The following OCA2 variants were observed in gnomAD, a reference collection of about 807,000 sequenced individuals.
OCA2 encodes OCA2 melanosomal transmembrane protein.
Under a neutral mutation model 100.2 loss-of-function variants are expected in OCA2, and 77 were observed. The ratio of observed to expected loss-of-function variants is 0.77; its 90% CI spans 0.64 to 0.93. The LOEUF is 0.93. Among genes scored for constraint, OCA2 ranks in the 40% least tolerant of loss-of-function variants. The pLI is 0.00. For synonymous variants in OCA2, 432 were observed against 439.2 expected, an observed-to-expected ratio of 0.98 and a Z score of 0.21; for missense variants, 1,062 against 1,089.1, an observed-to-expected ratio of 0.98 and a Z score of 0.35.
At chr15:27,785,186 A>G (rs936476782) in intron 23 of OCA2, among the ~76,000 whole-genome samples, 8 of 152,170 alleles carry the variant, frequency 5.3e-5, no homozygotes, top group Non-Finnish European at 7.3e-5. Flanking sequence ...GAGTATTAGG[A>G]AAAAAATATG....
At chr15:28,071,542 A>G (rs927024148) in intron 2 of OCA2, among the ~76,000 whole-genome samples, 1 of 152,218 alleles carries the variant, frequency 6.6e-6, no homozygotes, top group Non-Finnish European at 1.5e-5. Context: ...ACAGAAACCA[A>G]ACAGCTTGGT....
chr15:28,048,796 A>C (rs989754981), intron 2 of OCA2, among the ~76,000 whole-genome samples: 1 of 147,584 alleles, frequency 6.8e-6, no homozygotes, highest in Admixed American at 6.6e-5. Context: ...ACTTGAGTTC[A>C]GGAGTTTGAG....
intron 2 of OCA2, among the ~76,000 whole-genome samples, chr15:28,062,036 A>C (rs980033525): frequency 6.6e-6 from 1 of 152,206 alleles, no homozygotes; most frequent in South Asian, 2.1e-4. Flanking sequence ...ACACATATGC[A>C]CAAGTTTTAC....
At chr15:27,923,442 C>A (rs2038937381) in intron 19 of OCA2, among the ~76,000 whole-genome samples, 1 of 152,194 alleles carries the variant, frequency 6.6e-6, no homozygotes. Context: ...CACCACACTG[C>A]TTTCTACAAT....
intron 6 of OCA2, among the ~76,000 whole-genome samples, chr15:28,019,293 A>T (rs2042511546): frequency 6.6e-6 from 1 of 151,974 alleles, no homozygotes; most frequent in South Asian, 2.1e-4. Flanking sequence ...AAAGAAGAGG[A>T]CGCAGCAAAG....
intron 19 of OCA2, among the ~76,000 whole-genome samples, chr15:27,878,823 GT>G (rs1168232001): frequency 1.3e-5 from 2 of 151,854 alleles, no homozygotes; most frequent in Non-Finnish European, 2.9e-5. Context: ...AACTATAATT[GT>G]TTTTAATATT....
intron 19 of OCA2, among the ~76,000 whole-genome samples, chr15:27,892,196 C>A (rs1431068485): frequency 1.3e-5 from 2 of 151,950 alleles, no homozygotes; most frequent in Non-Finnish European, 2.9e-5. Context: ...AAGAACTGAA[C>A]AACACTGAAC....
chr15:27,729,026 G>T, the OCA2 span, among the ~76,000 whole-genome samples: 3 of 152,068 alleles, frequency 2.0e-5, no homozygotes, highest in Non-Finnish European at 4.4e-5. Context: ...CACTTTCAAC[G>T]CTTGGCTTGG....
At chr15:27,980,718 G>A (rs1408329274) in intron 14 of OCA2, among the ~76,000 whole-genome samples, 1 of 152,146 alleles carries the variant, frequency 6.6e-6, no homozygotes, top group East Asian at 1.9e-4. Context: ...GCCTTCACAC[G>A]TGCATTATCT....
At chr15:27,983,628 G>T in intron 13 of OCA2, 145 bp from the exon 14 acceptor site, 2 of 867,356 alleles carry the variant, frequency 2.3e-6, no homozygotes, top group Non-Finnish European at 3.8e-6. Flanking sequence ...AGTGCTGGGG[G>T]GAATGAACAA....
intron 5 of OCA2, among the ~76,000 whole-genome samples, chr15:28,023,887 C>T (rs530513265): frequency 2.0e-5 from 3 of 152,284 alleles, no homozygotes; most frequent in African/African-American, 7.2e-5. Flanking sequence ...AGACATAGAG[C>T]AGGCACAGGG....
chr15:27,815,494 T>C (rs1328231273), intron 23 of OCA2, among the ~76,000 whole-genome samples: 1 of 152,244 alleles, frequency 6.6e-6, no homozygotes, highest in African/African-American at 2.4e-5. Context: ...TCTGTATTCA[T>C]ACCTCCTGGG....
chr15:27,908,019 T>G (rs1404757541), intron 19 of OCA2, among the ~76,000 whole-genome samples: 1 of 151,740 alleles, frequency 6.6e-6, no homozygotes, highest in Non-Finnish European at 1.5e-5. Flanking sequence ...ATGAAGCAAG[T>G]GTGACAATGA....
At chr15:27,784,912 AG>A in intron 23 of OCA2, among the ~76,000 whole-genome samples, 1 of 151,898 alleles carries the variant, frequency 6.6e-6, no homozygotes, top group Non-Finnish European at 1.5e-5. Flanking sequence ...AGAGAGAGAG[AG>A]AGAAATGGGC....
rs1047273872 is a variant in OCA2, at chr15:27,902,335, C to A, written c.2079+23792G>T. On this transcript the variant is annotated intron_variant, in intron 19 of 23. Coordinates refer to ENST00000354638, the MANE Select transcript of OCA2 (RefSeq NM_000275.3). ...CTTTGGGAACACTAAGATGTATCAA[C>A]GATTTGATTTACTCAACAAATTATT... 4.0e-5 allele frequency among the ~76,000 whole-genome samples: 6 copies of A among 151,794 alleles called. No homozygotes were observed. In the South Asian group the frequency reaches 1.2e-3, roughly 32 times the overall value.
At chr15:28,083,197 T>C (rs958629019) in intron 1 of OCA2, among the ~76,000 whole-genome samples, 2 of 152,316 alleles carry the variant, frequency 1.3e-5, no homozygotes, top group Admixed American at 1.3e-4. Context: ...TGAAAGGAGT[T>C]TGCTGTGACT....
chr15:27,909,919 TA>T (rs1407372550), intron 19 of OCA2, among the ~76,000 whole-genome samples: 1 of 151,962 alleles, frequency 6.6e-6, no homozygotes, highest in Non-Finnish European at 1.5e-5. Context: ...AGACACACTA[TA>T]AAAAGTCACA....
intron 21 of OCA2, among the ~76,000 whole-genome samples, chr15:27,859,188 A>G (rs997029296): frequency 1.3e-5 from 2 of 152,086 alleles, no homozygotes; most frequent in African/African-American, 4.8e-5. Flanking sequence ...AAGAGAGATA[A>G]ATAAGATGAA....
At chr15:27,906,926 A>G (rs1029368541) in intron 19 of OCA2, among the ~76,000 whole-genome samples, 2 of 152,152 alleles carry the variant, frequency 1.3e-5, no homozygotes, top group African/African-American at 4.8e-5. Context: ...CTGAGATCAC[A>G]TGGCAAAAGA....
Sources: gnomAD v4.1 joint callset for allele counts (sites outside exome capture counted in the v4.1 genomes callset) on GRCh38, gnomAD v4.1.1 for gene constraint, MANE v1.5 for transcripts, NCBI Gene and HGNC (gene_info 2026-07-23, HGNC 2026-07-21) for gene names.